The following CEP135 variants were observed in gnomAD, a reference collection of about 807,000 sequenced individuals.
The protein encoded by CEP135 is centrosomal protein 135.
CEP135 carries 142 observed loss-of-function variants against 157.3 expected under a neutral mutation model. The observed-to-expected ratio is 0.90, with a 90% CI of 0.79 to 1.04. The LOEUF (loss-of-function observed/expected upper bound fraction) is 1.04. CEP135 is among the 50% of genes least tolerant of loss of function. CEP135 has a pLI of 0.00. For synonymous variants in CEP135, 396 were observed against 439.8 expected (o/e 0.90, Z 1.25); for missense variants, 1,317 against 1,309.2 (o/e 1.01, Z -0.09).
chr4:55,952,315 G>C (rs1728381669), intron 2 of CEP135, 72 bp downstream of exon 2: 1 of 884,908 alleles, frequency 1.1e-6, no homozygotes, highest in Non-Finnish European at 1.8e-6. Context: ...TGAACTTCAT[G>C]CTTTGGTAAA....
At chr4:55,958,031 T>G (rs1403262709) in intron 5 of CEP135, among the ~76,000 whole-genome samples, 1 of 152,222 alleles carries the variant, frequency 6.6e-6, no homozygotes, top group African/African-American at 2.4e-5. Context: ...GAGAAGCATT[T>G]CAAACTGTAG....
At chr4:55,958,253 A>G (rs1728564885) in intron 5 of CEP135, among the ~76,000 whole-genome samples, 1 of 152,110 alleles carries the variant, frequency 6.6e-6, no homozygotes, top group Non-Finnish European at 1.5e-5. Flanking sequence ...TGGTCAATAT[A>G]GTGAGACCTT....
Position 55,981,386 on chromosome 4 carries a change from A to T in CEP135, c.1779+7A>T, listed in dbSNP as rs750474304. ...TTTAAGAGAAAAATTAGAGGTAAGA[A>T]GATTGACATGTTTTTGAAAGGTAAT... is the stretch of plus-strand genomic sequence containing the variant. On this transcript the variant is annotated splice_region_variant and intron_variant, in intron 13 of 25. Transcript: ENST00000257287. 1 of 1,563,564 alleles carries T rather than the reference A, an allele frequency of 6.4e-7. No individual in the cohort carries two copies. Among genetic ancestry groups the T allele is most frequent in the Admixed American group, 2.2e-5 (1 of 45,688 alleles).
intron 4 of CEP135, among the ~76,000 whole-genome samples, chr4:55,955,027 G>C (rs1728465173): frequency 1.3e-5 from 2 of 151,926 alleles, no homozygotes; most frequent in Admixed American, 1.3e-4. Context: ...GTTGCAGTGA[G>C]CTGAGATTGC....
chr4:55,953,258 C>A lies in CEP135; in HGVS notation c.287C>A (p.Ser96Ter). 1 of 1,543,026 alleles carries A rather than the reference C, an allele frequency of 6.5e-7. No homozygotes were observed. Among genetic ancestry groups the A allele is most frequent in the South Asian group, 1.2e-5 (1 of 80,396 alleles). The part of the protein sequence containing the change: ...YLELMKLREH[S>*]DQHVKELKTS... ...GAGTTAATGAAACTGAGAGAACATT[C>A]AGACCAACACGTTAAAGGTAAGTGA... The change falls in exon 3 of 26, where the codon TCA (serine) becomes TAA (stop). Residue 96 changes from serine to a stop codon, truncating the protein, a stop_gained. Coordinates refer to ENST00000257287, the MANE Select transcript of CEP135 (RefSeq NM_025009.5). LOFTEE classifies it high-confidence loss of function.
chr4:56,007,791 G>A (rs1389959515), intron 17 of CEP135, among the ~76,000 whole-genome samples: 2 of 152,142 alleles, frequency 1.3e-5, no homozygotes, highest in Admixed American at 6.5e-5. Context: ...TTCTGTCACT[G>A]TCTGCTCAGA....
At chr4:55,990,362 TA>T (rs1340887886) in intron 14 of CEP135, among the ~76,000 whole-genome samples, 1 of 152,218 alleles carries the variant, frequency 6.6e-6, no homozygotes, top group African/African-American at 2.4e-5. Context: ...CTGGAAGACT[TA>T]CATTTATTAC....
chr4:55,988,559 C>T (rs942708277), intron 14 of CEP135, among the ~76,000 whole-genome samples: 2 of 151,770 alleles, frequency 1.3e-5, no homozygotes, highest in African/African-American at 4.8e-5. Context: ...ACTTGGGAGG[C>T]AGAGGCAGGA....
rs746219969 is a variant in CEP135, at chr4:55,953,088, C to G, written c.117C>G (p.Asp39Glu). 6.4e-7 allele frequency: 1 copy of G among 1,566,076 alleles called. No individual in the cohort carries two copies. Among genetic ancestry groups the G allele is most frequent in the East Asian group, 2.3e-5 (1 of 43,700 alleles). Residue 39 changes from aspartate to glutamate, a missense_variant, in exon 3 of 26, where the codon GAC (aspartate) becomes GAG (glutamate). Asp to Glu is a conservative substitution (Grantham distance 45). Coordinates refer to ENST00000257287, the MANE Select transcript of CEP135 (RefSeq NM_025009.5). Reference sequence around the variant, plus strand: ...TTTAAATTTTCTGTTCTTTTAGCGACTTAGTTCATACAACTGAGAGCCTTC... The same window carrying G: ...TTTAAATTTTCTGTTCTTTTAGCGAGTTAGTTCATACAACTGAGAGCCTTC... ...CLPLVEKLFS[D>E]LVHTTESLRQ... is the part of the protein sequence containing the mutation.
chr4:56,019,212 C>A, intron 22 of CEP135, 141 bp from the exon 23 acceptor site: 1 of 610,946 alleles, frequency 1.6e-6, no homozygotes, highest in Admixed American at 3.5e-5. Flanking sequence ...CTTAAAGAAA[C>A]AGTTCATAAT....
chr4:55,985,354 A>G lies in CEP135; in HGVS notation c.1853A>G (p.His618Arg), dbSNP rs775156137. 6.4e-7 allele frequency: 1 copy of G among 1,573,520 alleles called. No individual in the cohort carries two copies. The highest frequency in any genetic ancestry group is 8.7e-7 in the Non-Finnish European group (1 of 1,146,858). The change falls in exon 14 of 26, where the codon CAT becomes CGT. Residue 618 changes from histidine to arginine, a missense_variant. Physicochemically the swap from His to Arg is conservative, Grantham distance 29. Transcript: ENST00000257287. ...ATTGAACATTTGACATGTGTTAATC[A>G]TCAGGTAATGTATCAAACTGGATTT... Reference protein sequence around the residue: ...KTIEHLTCVNHQLESEKYELK... With the variant: ...KTIEHLTCVNRQLESEKYELK...
At chr4:56,030,143 G>A (rs979272546) in intron 25 of CEP135, among the ~76,000 whole-genome samples, 1 of 152,084 alleles carries the variant, frequency 6.6e-6, no homozygotes, top group Non-Finnish European at 1.5e-5. Flanking sequence ...TCTACATGGT[G>A]CCCCACTGAA....
chr4:55,987,576 G>A lies in CEP135; in HGVS notation c.1857+2218G>A, dbSNP rs1478092901. On this transcript the variant is annotated intron_variant, in intron 14 of 25. Transcript: ENST00000257287. ...TGTTTCCTGTCTCTCAGGGGTCACC[G>A]GTCATCATTGCCTGGTGCCTATTGT... Among the ~76,000 whole-genome samples, 4 of 152,038 alleles carry A rather than the reference G, an allele frequency of 2.6e-5. 1 individual carries two copies. The highest frequency in any genetic ancestry group is 2.1e-4 in the South Asian group (1 of 4,812).
At chr4:55,981,151 A>C (rs944205028) in intron 12 of CEP135, 76 bp from the exon 13 acceptor site, 11 of 1,399,474 alleles carry the variant, frequency 7.9e-6, no homozygotes, top group Non-Finnish European at 1.1e-5. Context: ...TTTTAACTGG[A>C]AACATATCCA....
chr4:55,980,462 A>G (rs1729364625), intron 12 of CEP135, among the ~76,000 whole-genome samples, 167 bp downstream of exon 12: 1 of 152,104 alleles, frequency 6.6e-6, no homozygotes, highest in African/African-American at 2.4e-5. Context: ...TAAAACACAA[A>G]TTTCTCTTAT....
At chr4:55,965,499 CA>C (rs1411523238) in intron 7 of CEP135, 144 bp from the exon 8 acceptor site, 4 of 594,152 alleles carry the variant, frequency 6.7e-6, no homozygotes, top group Non-Finnish European at 1.2e-5. Flanking sequence ...TTGTAAATAA[CA>C]ATATAAATTT....
chr4:56,010,502 C>G (rs546118893), intron 19 of CEP135, among the ~76,000 whole-genome samples: 1 of 152,162 alleles, frequency 6.6e-6, no homozygotes, highest in African/African-American at 2.4e-5. Flanking sequence ...GCAAGGAAAC[C>G]TAAAGGTGGG....
chr4:56,021,567 A>G (rs911856889), intron 24 of CEP135, among the ~76,000 whole-genome samples: 4 of 152,158 alleles, frequency 2.6e-5, no homozygotes, highest in African/African-American at 7.2e-5. Context: ...CTTTCCTACT[A>G]TATTAATACC....
intron 25 of CEP135, among the ~76,000 whole-genome samples, chr4:56,028,884 T>A (rs1731240663): frequency 6.6e-6 from 1 of 152,112 alleles, no homozygotes; most frequent in Non-Finnish European, 1.5e-5. Flanking sequence ...GGAGATAGTG[T>A]CAGATCCCAC....
Sources: allele counts gnomAD v4.1 joint callset (sites outside exome capture counted in the v4.1 genomes callset), GRCh38; gene constraint gnomAD v4.1.1; transcripts MANE v1.5; gene names NCBI Gene and HGNC (gene_info 2026-07-23, HGNC 2026-07-21).